The following VPS35L variants were observed in gnomAD, a reference collection of about 807,000 sequenced individuals.
VPS35L encodes the protein VPS35 endosomal protein-sorting factor-like.
In VPS35L, 83 loss-of-function variants were observed where a neutral mutation model predicts 133.0. That is an observed-to-expected ratio of 0.62 (90% CI 0.52 to 0.75). The LOEUF (loss-of-function observed/expected upper bound fraction) is 0.75. Ranked by LOEUF, VPS35L falls within the 30% of genes least tolerant of loss-of-function variation. The probability of loss-of-function intolerance (pLI) is 0.00; values close to 1 mark genes in which losing one functional copy is unlikely to be tolerated. For missense variants in VPS35L, 1,083 were observed against 1,206.8 expected (o/e 0.90, Z 1.52); for synonymous variants, 423 against 449.9 (o/e 0.94, Z 0.76).
At chr16:19,670,991 G>T (rs964236937) in intron 27 of VPS35L, among the ~76,000 whole-genome samples, 12 of 152,206 alleles carry the variant, frequency 7.9e-5, no homozygotes, top group African/African-American at 2.7e-4. Context: ...TCAGAAGATT[G>T]TGTATGTTCT....
rs780188382 is a variant in VPS35L, at chr16:19,616,664, GTGTT to G, written c.1102-15_1102-12del. On this transcript the variant is annotated intron_variant, in intron 13 of 30. Coordinates refer to ENST00000417362, the MANE Select transcript of VPS35L (RefSeq NM_020314.7). ...TTTGGTTTTTCCCCTCCTTTTCTAA[GTGTT>G]TGTTTGGCCTCCTGTAGATTCATGG... is the stretch of plus-strand genomic sequence containing the variant. 6 of 1,609,486 alleles carry G rather than the reference GTGTT, an allele frequency of 3.7e-6. No homozygotes were observed. The South Asian group carries it at 4.4e-5, about 12-fold the overall frequency.
Position 19,569,421 on chromosome 16 carries a change from C to T in VPS35L, c.118-3C>T. Reference sequence around the variant, plus strand: ...GTTTTACCTCCAGAAATTTTCCTCACAGGTCACAGAGTCAAAGACAAAGAA... The same window carrying T: ...GTTTTACCTCCAGAAATTTTCCTCATAGGTCACAGAGTCAAAGACAAAGAA... On this transcript the variant is annotated splice_region_variant and splice_polypyrimidine_tract_variant and intron_variant, in intron 2 of 30. Coordinates refer to ENST00000417362, the MANE Select transcript of VPS35L (RefSeq NM_020314.7). 4 of 1,593,024 alleles carry T rather than the reference C, an allele frequency of 2.5e-6. No individual in the cohort carries two copies. Among genetic ancestry groups the T allele is most frequent in the Non-Finnish European group, 3.4e-6 (4 of 1,169,562 alleles).
intron 24 of VPS35L, among the ~76,000 whole-genome samples, chr16:19,649,052 G>C (rs146101321): frequency 6.6e-6 from 1 of 150,954 alleles, no homozygotes; most frequent in Admixed American, 6.6e-5. Context: ...GCAATGGTGC[G>C]ATTTTGGCTC....
chr16:19,590,631 C>T (rs982976178), intron 7 of VPS35L, among the ~76,000 whole-genome samples: 3 of 152,102 alleles, frequency 2.0e-5, no homozygotes, highest in Non-Finnish European at 4.4e-5. Context: ...CGCTAAATAG[C>T]AGACGAGTAC....
chr16:19,676,506 G>T (rs1356383231), intron 27 of VPS35L, among the ~76,000 whole-genome samples: 1 of 152,196 alleles, frequency 6.6e-6, no homozygotes, highest in Admixed American at 6.5e-5. Flanking sequence ...ATGTAACAAT[G>T]TGGTAAGACA....
In VPS35L at chr16:19,652,195, G is replaced by C. The variant is rs148902070; in HGVS notation, c.2221+105G>C. The C allele has an allele frequency of 1.2e-3, 1,054 of 845,958 alleles. 4 individuals carry two copies. In the African/African-American group the frequency reaches 0.015, roughly 12 times the overall value. 52.4% of individuals were successfully genotyped at this position (845,958 alleles called of 1,614,324 possible). On this transcript the variant is annotated intron_variant, in intron 26 of 30. Coordinates refer to ENST00000417362, the MANE Select transcript of VPS35L (RefSeq NM_020314.7). ...AGAGAGACAAAGATTTCTTTTTTTA[G>C]AGACAGAGTCTCACTCTGTCACCCA...
At chr16:19,599,474 T>C (rs964844390) in intron 8 of VPS35L, among the ~76,000 whole-genome samples, 1 of 152,106 alleles carries the variant, frequency 6.6e-6, no homozygotes, top group Non-Finnish European at 1.5e-5. Context: ...TTTCAGCATG[T>C]ATAAGGATTT....
intron 29 of VPS35L, among the ~76,000 whole-genome samples, chr16:19,692,545 T>C (rs1975730253): frequency 6.6e-6 from 1 of 151,616 alleles, no homozygotes; most frequent in Non-Finnish European, 1.5e-5. Context: ...AACCAAGGCC[T>C]TTCCACTTCA....
At chr16:19,629,875 A>G (rs1973390408) in intron 18 of VPS35L, 55 bp downstream of exon 18, 1 of 1,533,082 alleles carries the variant, frequency 6.5e-7, no homozygotes. Context: ...CATGTTTATA[A>G]TAGTGAATTA....
rs1360692837 is a variant in VPS35L at position 19,633,012 on chromosome 16, G to T, written c.1555-80G>T. ...AAGGTGTGTGATATATTCTGAATAC[G>T]TTAGTCCTTTCCCCCAGGAACATGG... On this transcript the variant is annotated intron_variant, in intron 18 of 30. Coordinates refer to ENST00000417362, the MANE Select transcript of VPS35L (RefSeq NM_020314.7). This position sits in a 1 kb window ranked among gnomAD's most constrained non-coding sequence, Gnocchi z 4.1. 5.8e-6 allele frequency: 6 copies of T among 1,032,622 alleles called. No homozygotes were observed. The East Asian group carries it at 1.4e-4, about 25-fold the overall frequency. 64.0% of individuals were successfully genotyped at this position (1,032,622 alleles called of 1,614,324 possible). A position where few individuals can be genotyped will look rare whatever the true frequency, so the allele number is the denominator to read the frequency against.
At chr16:19,645,359 A>G (rs1263833907) in intron 23 of VPS35L, among the ~76,000 whole-genome samples, 1 of 145,882 alleles carries the variant, frequency 6.9e-6, no homozygotes, top group Non-Finnish European at 1.5e-5. Flanking sequence ...GCGCGATCTC[A>G]GCTCACTGCA....
At chr16:19,627,906 GA>G in intron 16 of VPS35L, 101 bp downstream of exon 16, 1 of 883,304 alleles carries the variant, frequency 1.1e-6, no homozygotes, top group Non-Finnish European at 1.9e-6. Context: ...GGGCCAGCAG[GA>G]ACACAGGCGA....
rs1016012946 is a variant in VPS35L at position 19,633,928 on chromosome 16, G to A, written c.1635+756G>A. On this transcript the variant is annotated intron_variant, in intron 19 of 30. Transcript: ENST00000417362. This position sits in a 1 kb window ranked among gnomAD's most constrained non-coding sequence, Gnocchi z 4.1. ...TTTTTAGTAGAGTTGGGGTTTCACC[G>A]CGTTAGCCAGGGTGGTCTCGATGTC... Among the ~76,000 whole-genome samples the A allele has an allele frequency of 6.6e-6, 1 of 151,750 alleles. No individual in the cohort carries two copies. The highest frequency in any genetic ancestry group is 2.0e-4 in the East Asian group (1 of 5,106).
chr16:19,601,709 G>T lies in VPS35L; in HGVS notation c.770G>T (p.Arg257Leu), dbSNP rs776063425. Residue 257 changes from arginine (R) to leucine (L), a missense_variant, in exon 9 of 31, where the codon CGC (arginine) becomes CTC (leucine). Transcript: ENST00000417362. ...ERIFSMCVDS[R>L]SVLPDHFSPE... Reference sequence around the variant, plus strand: ...ATCTTTTCCATGTGTGTGGATAGCCGCAGCGTCTTACCAGGTAATGTCGCA... The same window carrying T: ...ATCTTTTCCATGTGTGTGGATAGCCTCAGCGTCTTACCAGGTAATGTCGCA... 3.7e-6 allele frequency: 6 copies of T among 1,614,086 alleles called. No homozygotes were observed. The highest frequency in any genetic ancestry group is 4.2e-6 in the Non-Finnish European group (5 of 1,179,986).
chr16:19,592,011 C>T (rs1276186146), intron 8 of VPS35L, 137 bp downstream of exon 8: 2 of 606,552 alleles, frequency 3.3e-6, no homozygotes, highest in Non-Finnish European at 5.8e-6. Flanking sequence ...CAAACCGTTC[C>T]CCCCCACGCC....
intron 2 of VPS35L, among the ~76,000 whole-genome samples, chr16:19,568,582 G>A (rs538520848): frequency 4.0e-4 from 61 of 152,132 alleles, no homozygotes; most frequent in African/African-American, 1.4e-3. Context: ...GGAGCCCATC[G>A]GGAGTCACCT....
Position 19,590,134 on chromosome 16 carries a change from GCCC to G in VPS35L, c.640-1654_640-1652del, listed in dbSNP as rs1567404864. ...TATTGTTTTTACAGCTTACATTCCC[GCCC>G]CGCCCCCCCCCCCCCCCCCACAAAT... is the stretch of plus-strand genomic sequence containing the variant. On this transcript the variant is annotated intron_variant, in intron 7 of 30. Transcript: ENST00000417362. Among the ~76,000 whole-genome samples, 3 of 20,660 alleles carry G rather than the reference GCCC, an allele frequency of 1.5e-4. No individual in the cohort carries two copies. The Admixed American group carries it at 2.0e-3, about 13-fold the overall frequency. 13.6% of individuals were successfully genotyped at this position (20,660 alleles called of 152,430 possible). A position where few individuals can be genotyped will look rare whatever the true frequency, so the allele number is the denominator to read the frequency against.
chr16:19,578,362 A>C, intron 5 of VPS35L: 1 of 424,100 alleles, frequency 2.4e-6, no homozygotes, highest in Non-Finnish European at 4.6e-6. Flanking sequence ...CGACAGAGTA[A>C]GACCCCATCT....
intron 12 of VPS35L, among the ~76,000 whole-genome samples, chr16:19,613,051 A>T (rs1972775946): frequency 6.6e-6 from 1 of 152,210 alleles, no homozygotes; most frequent in Admixed American, 6.5e-5. Context: ...CTGTAATCCC[A>T]GCATTTTGGG....
Sources: gnomAD v4.1 joint callset for allele counts (sites outside exome capture counted in the v4.1 genomes callset) on GRCh38, gnomAD v4.1.1 for gene constraint, Gnocchi (gnomAD v3.1) non-coding constraint, MANE v1.5 for transcripts, NCBI Gene and HGNC (gene_info 2026-07-23, HGNC 2026-07-21) for gene names.